Variants in SLC25A42 observed in about 807,000 individuals in gnomAD.
SLC25A42 encodes the protein solute carrier family 25 member 42, also known as mitochondrial coenzyme A transporter SLC25A42.
SLC25A42 carries 19 observed loss-of-function variants against 34.7 expected under a neutral mutation model. The ratio of observed to expected loss-of-function variants is 0.55; its 90% CI spans 0.38 to 0.80. The LOEUF (loss-of-function observed/expected upper bound fraction) is 0.80, where lower values mean the gene tolerates loss of function less well. Among genes scored for constraint, SLC25A42 ranks in the 30% least tolerant of loss-of-function variants. The pLI, the probability that SLC25A42 is intolerant of heterozygous loss-of-function variation, is 0.00. For missense variants in SLC25A42, 364 were observed against 441.3 expected (o/e 0.82, Z 1.57); for synonymous variants, 205 against 191.2 (o/e 1.07, Z -0.59).
Position 19,110,829 on chromosome 19 carries a change from A to G in SLC25A42, c.910A>G (p.Thr304Ala). ...TCCCATCGCCGTGGGCATCAGCTTC[A>G]CCACCTTCGACCTCATGCAGATCCT... ...KGPIAVGISF[T>A]TFDLMQILLR... The change falls in exon 8 of 8, where the codon ACC (threonine) becomes GCC (alanine). Residue 304 changes from threonine (T) to alanine (A), a missense_variant. Physicochemically the swap from Thr to Ala is moderately conservative, Grantham distance 58 (BLOSUM62 0). Coordinates refer to ENST00000318596, the MANE Select transcript of SLC25A42 (RefSeq NM_178526.5). The G allele has an allele frequency of 1.2e-6, 2 of 1,613,894 alleles. No individual in the cohort carries two copies. Among genetic ancestry groups the G allele is most frequent in the Non-Finnish European group, 1.7e-6 (2 of 1,180,000 alleles).
intron 1 of SLC25A42, among the ~76,000 whole-genome samples, chr19:19,071,509 G>A (rs2059629959): frequency 6.6e-6 from 1 of 152,104 alleles, no homozygotes; most frequent in African/African-American, 2.4e-5. Flanking sequence ...GAGATTTTCA[G>A]GAAACTCTGG....
intron 1 of SLC25A42, among the ~76,000 whole-genome samples, chr19:19,067,651 G>A (rs1568504811): frequency 6.6e-6 from 1 of 151,902 alleles, no homozygotes; most frequent in Non-Finnish European, 1.5e-5. Context: ...GAGCAGTGGT[G>A]GTGCTGAGAT....
chr19:19,095,826 C>T, intron 1 of SLC25A42: 1 of 475,256 alleles, frequency 2.1e-6, no homozygotes, highest in Non-Finnish European at 4.0e-6. Flanking sequence ...CCTTGGCTGG[C>T]TGCTTAACTT....
At chr19:19,107,274 G>A (rs62138101) in intron 6 of SLC25A42, among the ~76,000 whole-genome samples, 6,271 of 143,706 alleles carry the variant, frequency 0.044, 202 homozygotes, top group Non-Finnish European at 0.063. Context: ...CCATGATCAC[G>A]TCACTGCACT....
At chr19:19,091,092 C>A (rs2059735969) in intron 1 of SLC25A42, among the ~76,000 whole-genome samples, 1 of 152,232 alleles carries the variant, frequency 6.6e-6, no homozygotes, top group Non-Finnish European at 1.5e-5. Context: ...CCTCCTCCCC[C>A]AGTTCTGCGG....
At chr19:19,087,225 C>T (rs2059712656) in intron 1 of SLC25A42, among the ~76,000 whole-genome samples, 1 of 151,808 alleles carries the variant, frequency 6.6e-6, no homozygotes, top group African/African-American at 2.4e-5. Context: ...CTTTCTGTGC[C>T]TGGTTTATTC....
At position 19,111,863 on chromosome 19, in the gene SLC25A42, G is replaced by C. The variant is rs534792991; in HGVS notation, c.*987G>C. The C allele has an allele frequency of 6.6e-6, 1 of 152,236 alleles. No homozygotes were observed. The highest frequency in any genetic ancestry group is 1.5e-5 in the Non-Finnish European group (1 of 68,064). The allele number at this position is 152,236 out of a possible 1,614,324, so 9.4% of individuals were successfully genotyped here. Reference sequence around the variant, plus strand: ...ATTTAAAGCCCACAGGGGTTGTTCAGTTTCTATGAAATGGAGCATGGGGTG... The same window carrying C: ...ATTTAAAGCCCACAGGGGTTGTTCACTTTCTATGAAATGGAGCATGGGGTG... On this transcript the variant is annotated 3_prime_UTR_variant, in exon 8 of 8. Coordinates refer to ENST00000318596, the MANE Select transcript of SLC25A42 (RefSeq NM_178526.5).
At chr19:19,091,373 G>A (rs1034245015) in intron 1 of SLC25A42, among the ~76,000 whole-genome samples, 4 of 152,118 alleles carry the variant, frequency 2.6e-5, no homozygotes, top group East Asian at 3.9e-4. Context: ...CAGGAGAATC[G>A]CTTGAACCCG....
chr19:19,067,081 G>A (rs1241475802), intron 1 of SLC25A42, among the ~76,000 whole-genome samples: 2 of 150,244 alleles, frequency 1.3e-5, no homozygotes, highest in Non-Finnish European at 2.9e-5. Flanking sequence ...CCTCTCAACT[G>A]TGAAGTTGGA....
chr19:19,078,386 G>A (rs2059665370), intron 1 of SLC25A42, among the ~76,000 whole-genome samples: 1 of 152,140 alleles, frequency 6.6e-6, no homozygotes, highest in Non-Finnish European at 1.5e-5. Flanking sequence ...CCAGCCTTGG[G>A]TTCTTCCTTC....
chr19:19,082,350 G>GC (rs1161648679), intron 1 of SLC25A42, among the ~76,000 whole-genome samples: 2 of 152,104 alleles, frequency 1.3e-5, no homozygotes, highest in African/African-American at 4.8e-5. Flanking sequence ...CAGTTCTCCT[G>GC]CGTCTATCTT....
intron 1 of SLC25A42, among the ~76,000 whole-genome samples, chr19:19,067,598 T>G (rs562355357): frequency 6.6e-6 from 1 of 152,144 alleles, no homozygotes; most frequent in South Asian, 2.1e-4. Flanking sequence ...TAAAAAAAAT[T>G]TTTTTTGAGT....
chr19:19,081,749 C>T lies in SLC25A42; in HGVS notation c.-34-14342C>T, dbSNP rs188208831. Among the ~76,000 whole-genome samples the T allele has an allele frequency of 1.3e-5, 2 of 152,370 alleles. No individual in the cohort carries two copies. Among genetic ancestry groups the T allele is most frequent in the East Asian group, 3.9e-4 (2 of 5,188 alleles). On this transcript the variant is annotated intron_variant, in intron 1 of 7. Transcript: ENST00000318596. This position sits in a 1 kb window ranked among gnomAD's most constrained non-coding sequence, Gnocchi z 4.5. ...GCCTACCGTCCAGGCCCTACGCTGT[C>T]ACCCGAGTGGTCCCGTGGTGTCCTC...
rs1361786097 is a variant in SLC25A42, at chr19:19,081,871, A to G, written c.-34-14220A>G. On this transcript the variant is annotated intron_variant, in intron 1 of 7. Transcript: ENST00000318596. The surrounding 1 kb of genome is among the most constrained non-coding windows in gnomAD (Gnocchi z 4.5). Reference sequence around the variant, plus strand: ...CTCTCACTAGCCCCATGGGCTTTGCATTTTGTGGCTGGAATGTGGCTCTGC... The same window carrying G: ...CTCTCACTAGCCCCATGGGCTTTGCGTTTTGTGGCTGGAATGTGGCTCTGC... Among the ~76,000 whole-genome samples, 1 of 152,006 alleles carries G rather than the reference A, an allele frequency of 6.6e-6. No homozygotes were observed. The highest frequency in any genetic ancestry group is 6.5e-5 in the Admixed American group (1 of 15,268).
intron 7 of SLC25A42, among the ~76,000 whole-genome samples, chr19:19,108,774 G>C (rs548882062): frequency 6.6e-6 from 1 of 152,240 alleles, no homozygotes; most frequent in South Asian, 2.1e-4. Flanking sequence ...TGCTACATTT[G>C]CTCCCAGATA....
intron 1 of SLC25A42, among the ~76,000 whole-genome samples, chr19:19,068,520 A>G (rs1462381831): frequency 6.6e-6 from 1 of 151,686 alleles, no homozygotes; most frequent in Non-Finnish European, 1.5e-5. Flanking sequence ...TACAAAAATT[A>G]GCCGGGCATG....
At chr19:19,093,545 T>C (rs2059748950) in intron 1 of SLC25A42, among the ~76,000 whole-genome samples, 1 of 152,222 alleles carries the variant, frequency 6.6e-6, no homozygotes, top group African/African-American at 2.4e-5. Flanking sequence ...ACCTGATCTT[T>C]AGTCCTCACA....
intron 1 of SLC25A42, among the ~76,000 whole-genome samples, chr19:19,084,265 G>T (rs1421017922): frequency 1.3e-5 from 2 of 152,172 alleles, no homozygotes; most frequent in East Asian, 3.9e-4. Context: ...CTCTACATCT[G>T]CATAGTCAGG....
At chr19:19,100,974 C>T (rs761890214) in intron 2 of SLC25A42, among the ~76,000 whole-genome samples, 5 of 152,188 alleles carry the variant, frequency 3.3e-5, no homozygotes, top group Non-Finnish European at 7.3e-5. Context: ...AATCAGAGCA[C>T]CTCCCATCCA....
Sources: allele counts gnomAD v4.1 joint callset (sites outside exome capture counted in the v4.1 genomes callset), GRCh38; gene constraint gnomAD v4.1.1; non-coding constraint Gnocchi (gnomAD v3.1); transcripts MANE v1.5; gene names NCBI Gene and HGNC (gene_info 2026-07-23, HGNC 2026-07-21).